ADAMTSL1: variants seen among roughly 807,000 people sequenced by gnomAD.
ADAMTSL1 encodes the protein ADAMTS-like protein 1.
A neutral mutation model predicts 201.8 loss-of-function variants in ADAMTSL1; 126 were observed. The observed-to-expected ratio is 0.62, with a 90% CI of 0.54 to 0.72. The LOEUF is 0.72. Ranked by LOEUF, ADAMTSL1 falls within the 30% of genes least tolerant of loss-of-function variation. The probability of loss-of-function intolerance (pLI) is 0.00; values close to 1 mark genes in which losing one functional copy is unlikely to be tolerated. For synonymous variants in ADAMTSL1, 1,121 were observed against 903.4 expected (o/e 1.24, Z -4.32); for missense variants, 2,679 against 2,277.8 (o/e 1.18, Z -3.59).
intron 16 of ADAMTSL1, among the ~76,000 whole-genome samples, chr9:18,761,070 G>C (rs192257855): frequency 5.6e-4 from 86 of 152,290 alleles, no homozygotes; most frequent in Non-Finnish European, 1.0e-3. Flanking sequence ...TAAATGTTTG[G>C]TGAAAGAATG....
chr9:17,989,918 CTTTTT>C (rs756953884), intron 1 of ADAMTSL1, among the ~76,000 whole-genome samples: 1 of 134,908 alleles, frequency 7.4e-6, no homozygotes, highest in African/African-American at 2.7e-5. Context: ...TTGTAAACAT[CTTTTT>C]TTTTTTTTTT....
intron 1 of ADAMTSL1, among the ~76,000 whole-genome samples, chr9:18,119,908 A>G (rs538772975): frequency 1.3e-5 from 2 of 152,344 alleles, no homozygotes; most frequent in East Asian, 1.9e-4. Flanking sequence ...ATATTCTACT[A>G]GAAAAATCTC....
intron 2 of ADAMTSL1, among the ~76,000 whole-genome samples, chr9:18,514,363 G>A (rs774300537): frequency 1.8e-4 from 21 of 119,218 alleles, no homozygotes; most frequent in Non-Finnish European, 3.1e-4. Flanking sequence ...ACGAAGTCTC[G>A]CTGTCTCCCA....
intron 1 of ADAMTSL1, among the ~76,000 whole-genome samples, chr9:17,952,177 C>T (rs532828200): frequency 6.7e-6 from 1 of 148,858 alleles, no homozygotes; most frequent in Non-Finnish European, 1.5e-5. Flanking sequence ...AGGCCTTGAA[C>T]TCCTGAGCTC....
chr9:18,718,267 A>T (rs565119237), intron 14 of ADAMTSL1: 10 of 758,628 alleles, frequency 1.3e-5, no homozygotes, highest in African/African-American at 1.2e-4. Flanking sequence ...TTAAATGTGG[A>T]CTGTGCTTTG....
chr9:18,288,319 G>A (rs1031179301), intron 2 of ADAMTSL1, among the ~76,000 whole-genome samples: 1 of 152,162 alleles, frequency 6.6e-6, no homozygotes, highest in Non-Finnish European at 1.5e-5. Context: ...CGCACCATCT[G>A]GAGAAATCCT....
chr9:18,634,473 G>T (rs1156684965), intron 5 of ADAMTSL1, among the ~76,000 whole-genome samples: 1 of 152,030 alleles, frequency 6.6e-6, no homozygotes, highest in East Asian at 1.9e-4. Context: ...TGAAGTAGGA[G>T]GATCTCTTGA....
At chr9:18,102,725 G>C (rs1209655677) in intron 1 of ADAMTSL1, among the ~76,000 whole-genome samples, 2 of 152,170 alleles carry the variant, frequency 1.3e-5, no homozygotes, top group Non-Finnish European at 2.9e-5. Context: ...TTTCTGTATG[G>C]CATGTAAAAG....
rs118132185 is a variant in ADAMTSL1 at position 18,536,124 on chromosome 9, C to T, written c.237+2832C>T. Among the ~76,000 whole-genome samples the T allele has an allele frequency of 3.4e-3, 516 of 151,836 alleles. 3 individuals carry two copies. The highest frequency in any genetic ancestry group is 5.2e-3 in the Non-Finnish European group (352 of 67,980). ...TTTAGTGATAACAGAAGCAGCATTGCGAAAAAACACACAAAAAAAATTTTA... is the reference window on the plus strand; with the variant it reads ...TTTAGTGATAACAGAAGCAGCATTGTGAAAAAACACACAAAAAAAATTTTA... On this transcript the variant is annotated intron_variant, in intron 3 of 28. Coordinates refer to ENST00000380548, the MANE Select transcript of ADAMTSL1 (RefSeq NM_001040272.6).
chr9:18,035,417 T>A (rs1038224762), intron 1 of ADAMTSL1, among the ~76,000 whole-genome samples: 1 of 152,192 alleles, frequency 6.6e-6, no homozygotes, highest in Admixed American at 6.5e-5. Context: ...TTGTAGGGAT[T>A]GCGATGGTGA....
At chr9:18,881,566 A>T (rs1218508379) in intron 23 of ADAMTSL1, among the ~76,000 whole-genome samples, 1 of 152,250 alleles carries the variant, frequency 6.6e-6, no homozygotes, top group Non-Finnish European at 1.5e-5. Flanking sequence ...TTACAATAGT[A>T]ACATCAAAGA....
At chr9:18,034,890 C>G (rs1357116395) in intron 1 of ADAMTSL1, among the ~76,000 whole-genome samples, 6 of 152,066 alleles carry the variant, frequency 3.9e-5, no homozygotes, top group African/African-American at 1.4e-4. Context: ...TCCTCATGTT[C>G]TAACAAATAT....
intron 1 of ADAMTSL1, among the ~76,000 whole-genome samples, chr9:18,063,169 T>C (rs1055010240): frequency 6.6e-6 from 1 of 152,078 alleles, no homozygotes; most frequent in Non-Finnish European, 1.5e-5. Context: ...AGTAAGAGAC[T>C]GTCTCTCTTA....
At chr9:18,435,843 A>G (rs1404402064) in intron 2 of ADAMTSL1, among the ~76,000 whole-genome samples, 1 of 152,182 alleles carries the variant, frequency 6.6e-6, no homozygotes, top group African/African-American at 2.4e-5. Context: ...CCCATTCACT[A>G]TCACGAGAAC....
intron 1 of ADAMTSL1, among the ~76,000 whole-genome samples, chr9:17,959,471 T>G (rs184153227): frequency 6.6e-6 from 1 of 152,254 alleles, no homozygotes; most frequent in East Asian, 1.9e-4. Context: ...TTTATTTTTA[T>G]TTTTTGAGAC....
chr9:18,060,834 C>G (rs1267398512), intron 1 of ADAMTSL1, among the ~76,000 whole-genome samples: 1 of 152,142 alleles, frequency 6.6e-6, no homozygotes, highest in Non-Finnish European at 1.5e-5. Flanking sequence ...AGTATATATA[C>G]ACATTACTTA....
chr9:18,294,048 G>A (rs1833376325), intron 2 of ADAMTSL1, among the ~76,000 whole-genome samples: 1 of 152,178 alleles, frequency 6.6e-6, no homozygotes, highest in Admixed American at 6.5e-5. Context: ...AGCTGCATGG[G>A]CTTACGAGGA....
rs543747738 is a variant in ADAMTSL1, at chr9:18,879,650, G to A, written c.4250-8181G>A. ...TGCCTTAATTTAAAAATACTTTATTGCTAAAAAATGCTAACAATTATCTGA... is the reference window on the plus strand; with the variant it reads ...TGCCTTAATTTAAAAATACTTTATTACTAAAAAATGCTAACAATTATCTGA... On this transcript the variant is annotated intron_variant, in intron 23 of 28. Transcript: ENST00000380548. Among the ~76,000 whole-genome samples the A allele has an allele frequency of 4.6e-5, 7 of 152,208 alleles. No individual in the cohort carries two copies. The South Asian group carries it at 1.2e-3, about 27-fold the overall frequency.
upstream of ADAMTSL1, among the ~76,000 whole-genome samples, chr9:18,469,836 A>G (rs1027278564): frequency 9.2e-5 from 14 of 152,188 alleles, no homozygotes; most frequent in Non-Finnish European, 1.8e-4. Context: ...CAGAGTGGCT[A>G]GTTCTCAATT....
Sources: gnomAD v4.1 joint callset for allele counts (sites outside exome capture counted in the v4.1 genomes callset) on GRCh38, gnomAD v4.1.1 for gene constraint, MANE v1.5 for transcripts, NCBI Gene and HGNC (gene_info 2026-07-23, HGNC 2026-07-21) for gene names.